CNTNAP2: variants seen among roughly 807,000 people sequenced by gnomAD.
CNTNAP2 encodes the protein contactin associated protein 2.
A neutral mutation model predicts 155.2 loss-of-function variants in CNTNAP2; 98 were observed. That is an observed-to-expected ratio of 0.63 (90% CI 0.54 to 0.75). The LOEUF is 0.75. Ranked by LOEUF, CNTNAP2 falls within the 30% of genes least tolerant of loss-of-function variation. The pLI, the probability that CNTNAP2 is intolerant of heterozygous loss-of-function variation, is 0.00. For synonymous variants in CNTNAP2, 651 were observed against 631.2 expected, an observed-to-expected ratio of 1.03 and a Z score of -0.47; for missense variants, 1,727 against 1,688.1, an observed-to-expected ratio of 1.02 and a Z score of -0.40.
At chr7:148,302,096 C>A (rs1184719047) in intron 21 of CNTNAP2, among the ~76,000 whole-genome samples, 1 of 152,192 alleles carries the variant, frequency 6.6e-6, no homozygotes, top group Non-Finnish European at 1.5e-5. Flanking sequence ...CAGGTCACTG[C>A]TGGATGCTGG....
At chr7:147,992,649 G>T (rs906939376) in intron 15 of CNTNAP2, among the ~76,000 whole-genome samples, 5 of 152,304 alleles carry the variant, frequency 3.3e-5, no homozygotes, top group South Asian at 4.1e-4. Flanking sequence ...CCTATAAGGG[G>T]TGGTGGGAAT....
intron 1 of CNTNAP2, among the ~76,000 whole-genome samples, chr7:146,157,136 A>G (rs1798139307): frequency 6.6e-6 from 1 of 152,100 alleles, no homozygotes; most frequent in Non-Finnish European, 1.5e-5. Flanking sequence ...AAGGTGAACT[A>G]CTTTTTTTTT....
intron 16 of CNTNAP2, among the ~76,000 whole-genome samples, chr7:148,126,208 T>C (rs996478335): frequency 3.3e-5 from 5 of 152,144 alleles, no homozygotes; most frequent in Admixed American, 1.3e-4. Context: ...GCATCATAGA[T>C]GGCATGAACA....
intron 12 of CNTNAP2, among the ~76,000 whole-genome samples, chr7:147,618,677 AG>A (rs1563024203): frequency 0.057 from 8,384 of 148,372 alleles, 669 homozygotes; most frequent in African/African-American, 0.15. Flanking sequence ...ATATAATAAC[AG>A]CTATTATATA....
At chr7:147,293,015 G>A (rs779461855) in intron 8 of CNTNAP2, among the ~76,000 whole-genome samples, 5 of 152,122 alleles carry the variant, frequency 3.3e-5, no homozygotes, top group African/African-American at 7.2e-5. Flanking sequence ...TGATATGCCC[G>A]CTTCTGCCTT....
intron 14 of CNTNAP2, among the ~76,000 whole-genome samples, chr7:147,906,937 G>A (rs940945641): frequency 1.3e-5 from 2 of 152,104 alleles, no homozygotes; most frequent in Non-Finnish European, 2.9e-5. Flanking sequence ...GGTCACTGCT[G>A]GTGTCTTGTT....
chr7:147,044,042 G>A lies in CNTNAP2; in HGVS notation c.538G>A (p.Gly180Ser), dbSNP rs777481825. The change falls in exon 4 of 24, where the codon GGC becomes AGC. Residue 180 changes from glycine (G) to serine (S), a missense_variant. Coordinates refer to ENST00000361727, the MANE Select transcript of CNTNAP2 (RefSeq NM_014141.6). Reference sequence around the variant, plus strand: ...CATTGGACTCAGAATTGAAGTTTATGGCTGTTCTTACTGTGAGTATCGTAT... The same window carrying A: ...CATTGGACTCAGAATTGAAGTTTATAGCTGTTCTTACTGTGAGTATCGTAT... ...GRIGLRIEVY[G>S]CSYWADVINF... is the part of the protein sequence containing the mutation. 2.5e-6 allele frequency: 4 copies of A among 1,614,096 alleles called. No homozygotes were observed. The highest frequency in any genetic ancestry group is 2.7e-5 in the African/African-American group (2 of 75,024).
At chr7:148,090,983 T>G (rs935359242) in intron 15 of CNTNAP2, among the ~76,000 whole-genome samples, 2 of 152,102 alleles carry the variant, frequency 1.3e-5, no homozygotes, top group African/African-American at 4.8e-5. Flanking sequence ...AAATCAAGTA[T>G]CCTATGATCC....
At chr7:147,476,639 C>T (rs1798324896) in intron 10 of CNTNAP2, among the ~76,000 whole-genome samples, 1 of 151,568 alleles carries the variant, frequency 6.6e-6, no homozygotes, top group Non-Finnish European at 1.5e-5. Flanking sequence ...AAAGATACAC[C>T]AGGTTGGTCA....
intron 3 of CNTNAP2, among the ~76,000 whole-genome samples, chr7:147,010,993 C>T (rs1003657648): frequency 2.6e-5 from 4 of 152,016 alleles, no homozygotes; most frequent in African/African-American, 9.7e-5. Context: ...AATTAATATC[C>T]TGCCCCATCT....
chr7:148,170,802 C>A (rs1238984615), intron 17 of CNTNAP2, among the ~76,000 whole-genome samples: 1 of 152,156 alleles, frequency 6.6e-6, no homozygotes, highest in Non-Finnish European at 1.5e-5. Flanking sequence ...CCTGTCTGAC[C>A]AATCTACTGG....
chr7:147,404,533 CTCTA>C (rs1458130560), intron 10 of CNTNAP2, among the ~76,000 whole-genome samples: 1 of 152,180 alleles, frequency 6.6e-6, no homozygotes, highest in African/African-American at 2.4e-5. Context: ...AATCGCTATG[CTCTA>C]TCTTAGTTTC....
At chr7:146,118,290 A>G (rs1025856221) in intron 1 of CNTNAP2, among the ~76,000 whole-genome samples, 2 of 152,212 alleles carry the variant, frequency 1.3e-5, no homozygotes, top group African/African-American at 4.8e-5. Flanking sequence ...TAAGTTTGTA[A>G]TGAACTTGAA....
intron 1 of CNTNAP2, among the ~76,000 whole-genome samples, chr7:146,620,115 A>G (rs191404178): frequency 3.0e-4 from 46 of 152,196 alleles, no homozygotes; most frequent in Admixed American, 3.0e-3. Context: ...TTTCCACAAT[A>G]CTCTTAAGTC....
At chr7:146,637,111 T>C (rs1799612366) in intron 1 of CNTNAP2, among the ~76,000 whole-genome samples, 1 of 152,198 alleles carries the variant, frequency 6.6e-6, no homozygotes, top group South Asian at 2.1e-4. Context: ...AAACCAAATA[T>C]TGAAATTTTG....
intron 1 of CNTNAP2, among the ~76,000 whole-genome samples, chr7:146,732,873 T>G (rs1244898542): frequency 6.6e-6 from 1 of 152,198 alleles, no homozygotes; most frequent in African/African-American, 2.4e-5. Context: ...ATTGTATTGC[T>G]ATTTGCATTA....
intron 6 of CNTNAP2, among the ~76,000 whole-genome samples, chr7:147,127,051 A>T (rs747541867): frequency 3.7e-4 from 56 of 152,176 alleles, no homozygotes; most frequent in Non-Finnish European, 1.9e-4. Flanking sequence ...TTAAACATTG[A>T]CGGTATTATT....
At chr7:147,061,831 C>T (rs770166521) in intron 4 of CNTNAP2, among the ~76,000 whole-genome samples, 1 of 152,052 alleles carries the variant, frequency 6.6e-6, no homozygotes, top group Non-Finnish European at 1.5e-5. Context: ...ATACTAATAA[C>T]ATAATTCAAA....
At chr7:147,293,671 T>G (rs1400711313) in intron 8 of CNTNAP2, among the ~76,000 whole-genome samples, 1 of 152,168 alleles carries the variant, frequency 6.6e-6, no homozygotes, top group Non-Finnish European at 1.5e-5. Flanking sequence ...TCTTTTTCTT[T>G]TTTCAACATT....
Sources: gnomAD v4.1 joint callset for allele counts (sites outside exome capture counted in the v4.1 genomes callset) on GRCh38, gnomAD v4.1.1 for gene constraint, MANE v1.5 for transcripts, NCBI Gene and HGNC (gene_info 2026-07-23, HGNC 2026-07-21) for gene names.